Variants in OLA1 observed in about 807,000 individuals in gnomAD.
OLA1 encodes the protein Obg like ATPase 1, also known as obg-like ATPase 1.
A neutral mutation model predicts 48.4 loss-of-function variants in OLA1; 14 were observed. That is an observed-to-expected ratio of 0.29 (90% CI 0.19 to 0.45). The LOEUF (loss-of-function observed/expected upper bound fraction) is 0.45. Among genes scored for constraint, OLA1 ranks in the 20% least tolerant of loss-of-function variants. The pLI, the probability that OLA1 is intolerant of heterozygous loss-of-function variation, is 1.00. For synonymous variants in OLA1, 127 were observed against 150.4 expected, an observed-to-expected ratio of 0.84 and a Z score of 1.14; for missense variants, 325 against 467.1, an observed-to-expected ratio of 0.70 and a Z score of 2.80.
chr2:174,219,006 T>TTTTTTTTTG (rs57416373), intron 4 of OLA1, among the ~76,000 whole-genome samples: 1,392 of 135,592 alleles, frequency 0.01, 30 homozygotes, highest in East Asian at 0.028. Context: ...TTTTTTTTTT[T>TTTTTTTTTG]GTAGCAATGT....
At chr2:174,100,081 T>A (rs1430742083) in intron 7 of OLA1, among the ~76,000 whole-genome samples, 1 of 152,186 alleles carries the variant, frequency 6.6e-6, no homozygotes, top group South Asian at 2.1e-4. Context: ...TCTTATTTTT[T>A]AAAAAAGTAA....
chr2:174,211,830 A>C (rs749065465), intron 4 of OLA1, among the ~76,000 whole-genome samples: 1 of 152,228 alleles, frequency 6.6e-6, no homozygotes, highest in Non-Finnish European at 1.5e-5. Flanking sequence ...GTCCATACTG[A>C]CATACTGACA....
chr2:174,158,703 C>T (rs1686945018), intron 4 of OLA1, among the ~76,000 whole-genome samples: 1 of 152,104 alleles, frequency 6.6e-6, no homozygotes, highest in Non-Finnish European at 1.5e-5. Flanking sequence ...GTTCAGTGAT[C>T]CCATTAGCTC....
intron 4 of OLA1, among the ~76,000 whole-genome samples, chr2:174,194,808 G>A (rs1687848460): frequency 6.6e-6 from 1 of 152,094 alleles, no homozygotes; most frequent in South Asian, 2.1e-4. Context: ...ACAAGAATTT[G>A]TCTCCTGTGG....
At position 174,154,955 on chromosome 2, in the gene OLA1, T is replaced by G. The variant is rs142121064; in HGVS notation, c.374-12955A>C. 2.6e-5 allele frequency among the ~76,000 whole-genome samples: 4 copies of G among 152,300 alleles called. 1 individual carries two copies. Among genetic ancestry groups the G allele is most frequent in the African/African-American group, 9.6e-5 (4 of 41,572 alleles). ...GTTACTCATCCCTCTGCTTGGAATA[T>G]TCTTCCTTCTTACTTCTGCCTTTCA... On this transcript the variant is annotated intron_variant, in intron 4 of 10. Coordinates refer to ENST00000284719, the MANE Select transcript of OLA1 (RefSeq NM_013341.5).
intron 4 of OLA1, among the ~76,000 whole-genome samples, chr2:174,177,715 C>T (rs545724602): frequency 1.3e-5 from 2 of 152,170 alleles, no homozygotes; most frequent in Admixed American, 1.3e-4. Flanking sequence ...AAATCAAGTA[C>T]ATTTGGATTT....
chr2:174,225,030 T>C (rs1010117524), intron 3 of OLA1, among the ~76,000 whole-genome samples: 7 of 152,226 alleles, frequency 4.6e-5, no homozygotes, highest in Non-Finnish European at 1.0e-4. Flanking sequence ...TGTTGAAATG[T>C]GATGCGTAAT....
intron 4 of OLA1, among the ~76,000 whole-genome samples, chr2:174,208,775 C>T (rs1483827565): frequency 6.6e-6 from 1 of 152,192 alleles, no homozygotes; most frequent in Non-Finnish European, 1.5e-5. Context: ...TCACCAACTT[C>T]CACACACACA....
chr2:174,241,353 A>C (rs1183031712), intron 2 of OLA1, among the ~76,000 whole-genome samples: 1 of 152,236 alleles, frequency 6.6e-6, no homozygotes, highest in Non-Finnish European at 1.5e-5. Context: ...GGTTTGCTAC[A>C]CATCAACAGA....
chr2:174,244,783 T>C (rs57783955), intron 2 of OLA1, among the ~76,000 whole-genome samples: 66,598 of 151,676 alleles, frequency 0.44, 14,708 homozygotes, highest in Middle Eastern at 0.5. Flanking sequence ...TGCCACCATG[T>C]CCGGCTAATT....
At chr2:174,221,526 A>G (rs1188257911) in intron 4 of OLA1, among the ~76,000 whole-genome samples, 2 of 152,114 alleles carry the variant, frequency 1.3e-5, no homozygotes, top group African/African-American at 4.8e-5. Context: ...CTCCCACTCT[A>G]TTTTAAGTTC....
intron 4 of OLA1, among the ~76,000 whole-genome samples, chr2:174,144,938 AAAAAAAAAAAAAAATATATATAT>A (rs1441227380): frequency 3.4e-5 from 2 of 58,012 alleles, no homozygotes; most frequent in South Asian, 7.8e-4. Flanking sequence ...TTTAAAAAAA[AAAAAAAAAAAAAAATATATATAT>A]ATATATATAT....
At chr2:174,211,015 C>A (rs1559006840) in intron 4 of OLA1, among the ~76,000 whole-genome samples, 1 of 152,246 alleles carries the variant, frequency 6.6e-6, no homozygotes, top group East Asian at 1.9e-4. Context: ...ATAGATAAGG[C>A]CCCTTCACAC....
At chr2:174,120,513 AAC>A (rs1189832377) in intron 7 of OLA1, among the ~76,000 whole-genome samples, 1 of 152,212 alleles carries the variant, frequency 6.6e-6, no homozygotes, top group African/African-American at 2.4e-5. Context: ...ATTTGATCAT[AAC>A]ACAACTGCAA....
At chr2:174,131,178 A>G (rs1387258900) in intron 5 of OLA1, among the ~76,000 whole-genome samples, 1 of 152,166 alleles carries the variant, frequency 6.6e-6, no homozygotes, top group Non-Finnish European at 1.5e-5. Flanking sequence ...TTTGCATCAC[A>G]AATTAGCCTG....
chr2:174,194,521 C>T (rs953122190), intron 4 of OLA1, among the ~76,000 whole-genome samples: 1 of 152,032 alleles, frequency 6.6e-6, no homozygotes, highest in Admixed American at 6.6e-5. Flanking sequence ...CTCTCTACAC[C>T]CCAGGGCAAA....
At chr2:174,116,441 T>G (rs541899196) in intron 7 of OLA1, among the ~76,000 whole-genome samples, 4 of 152,200 alleles carry the variant, frequency 2.6e-5, no homozygotes, top group African/African-American at 9.6e-5. Flanking sequence ...AATATAGATA[T>G]GCCAATTCAC....
intron 4 of OLA1, among the ~76,000 whole-genome samples, chr2:174,191,480 G>C (rs1687776762): frequency 6.6e-6 from 1 of 151,466 alleles, no homozygotes; most frequent in Admixed American, 6.6e-5. Context: ...CAGGGTCCTG[G>C]CTCTGGCTCT....
chr2:174,217,387 C>T (rs1196418104), intron 4 of OLA1, among the ~76,000 whole-genome samples: 4 of 152,010 alleles, frequency 2.6e-5, no homozygotes, highest in African/African-American at 9.7e-5. Context: ...TAAATCAATA[C>T]AAATAGCTGC....
Sources: allele counts gnomAD v4.1 joint callset (sites outside exome capture counted in the v4.1 genomes callset), GRCh38; gene constraint gnomAD v4.1.1; transcripts MANE v1.5; gene names NCBI Gene and HGNC (gene_info 2026-07-23, HGNC 2026-07-21).